The following TRIP12 variants were observed in gnomAD, a reference collection of about 807,000 sequenced individuals.
The protein encoded by TRIP12 is E3 ubiquitin-protein ligase TRIP12.
A neutral mutation model predicts 244.2 loss-of-function variants in TRIP12; 25 were observed. The ratio of observed to expected loss-of-function variants is 0.10; its 90% confidence interval spans 0.07 to 0.14. TRIP12 has a LOEUF of 0.14. Ranked by LOEUF, TRIP12 falls within the 10% of genes least tolerant of loss-of-function variation. The pLI is 1.00. For synonymous variants in TRIP12, 905 were observed against 873.1 expected (o/e 1.04, Z -0.64); for missense variants, 1,677 against 2,486.4 (o/e 0.67, Z 6.92).
chr2:229,903,427 A>G (rs542573605), intron 1 of TRIP12, among the ~76,000 whole-genome samples: 11 of 152,284 alleles, frequency 7.2e-5, no homozygotes, highest in Admixed American at 2.0e-4. Flanking sequence ...AAGTAAGGCC[A>G]TCTGAGCTAA....
chr2:229,889,243 AAAG>A (rs1418083161), intron 1 of TRIP12, among the ~76,000 whole-genome samples: 3 of 152,218 alleles, frequency 2.0e-5, no homozygotes, highest in Non-Finnish European at 4.4e-5. Context: ...TGAGAAAAGC[AAAG>A]AAGAAAGGAG....
chr2:229,771,449 A>C, intron 39 of TRIP12, 70 bp downstream of exon 39: 1 of 1,337,532 alleles, frequency 7.5e-7, no homozygotes, highest in Non-Finnish European at 1.1e-6. Context: ...ACGGTCTTTG[A>C]CTAGGCAGCA....
At position 229,859,486 on chromosome 2, in the gene TRIP12, C is replaced by A; in HGVS notation, c.313G>T (p.Val105Leu). The A allele has an allele frequency of 6.2e-7, 1 of 1,614,162 alleles. No individual in the cohort carries two copies. Among genetic ancestry groups the A allele is most frequent in the Non-Finnish European group, 8.5e-7 (1 of 1,180,030 alleles). ...NTSERQKTGQ[V>L]PKKDNSRGVK... ...CCTCGAGAATTGTCTTTCTTAGGCA[C>A]CTGCCCCGTTTTTTGTCTTTCTGAA... The change falls in exon 4 of 42, where the codon GTG becomes TTG. Residue 105 changes from valine (V) to leucine (L), a missense_variant. Physicochemically the swap from Val to Leu is conservative, Grantham distance 32. Around this residue, in one of 11 missense-constraint regions of TRIP12, gnomAD observed 387 missense variants for 392.6 expected, o/e 0.99. Transcript: ENST00000675903.
intron 34 of TRIP12, among the ~76,000 whole-genome samples, chr2:229,783,235 T>C (rs1217079295): frequency 6.6e-6 from 1 of 152,370 alleles, no homozygotes; most frequent in African/African-American, 2.4e-5. Context: ...TTTACATTTC[T>C]GTGACTATAA....
intron 8 of TRIP12, among the ~76,000 whole-genome samples, chr2:229,824,126 A>G (rs764969057): frequency 1.3e-5 from 2 of 152,246 alleles, no homozygotes; most frequent in African/African-American, 2.4e-5. Context: ...AAGTGTTAAT[A>G]AACTGTTGTA....
chr2:229,789,893 G>T (rs1440212760), intron 30 of TRIP12, 131 bp from the exon 31 acceptor site: 32 of 932,134 alleles, frequency 3.4e-5, no homozygotes, highest in Non-Finnish European at 4.5e-5. Flanking sequence ...TATTAGTAGG[G>T]TATTGATAAG....
intron 1 of TRIP12, among the ~76,000 whole-genome samples, chr2:229,880,996 A>G (rs1248333547): frequency 6.6e-6 from 1 of 152,192 alleles, no homozygotes; most frequent in Non-Finnish European, 1.5e-5. Context: ...TACTGAAAAG[A>G]TGAGGAGAAA....
intron 20 of TRIP12, 61 bp from the exon 21 acceptor site, chr2:229,802,520 C>T (rs2154269434): frequency 7.8e-7 from 1 of 1,284,880 alleles, no homozygotes; most frequent in Non-Finnish European, 1.1e-6. Flanking sequence ...CTTCTCCCCA[C>T]CATTACAAAA....
At position 229,811,011 on chromosome 2, in the gene TRIP12, A is replaced by C; in HGVS notation, c.2090T>G (p.Leu697Arg). The change falls in exon 15 of 42, where the codon CTT becomes CGT. Residue 697 changes from leucine to arginine, a missense_variant. Transcript: ENST00000675903. ...TACCAACAGCTGTTGAACATTTGTA[A>C]GCAGATCTTTGGAAGCAACCTGCTG... ...LLQQVASKDL[L>R]TNVQQLLVVT... 6.2e-7 allele frequency: 1 copy of C among 1,614,132 alleles called. No homozygotes were observed. Among genetic ancestry groups the C allele is most frequent in the Non-Finnish European group, 8.5e-7 (1 of 1,179,994 alleles).
intron 36 of TRIP12, among the ~76,000 whole-genome samples, chr2:229,777,751 T>C (rs1240246814): frequency 3.3e-5 from 5 of 152,180 alleles, no homozygotes; most frequent in African/African-American, 9.7e-5. Flanking sequence ...AATAGAAAAC[T>C]AAATGGAACT....
chr2:229,777,294 G>A, intron 37 of TRIP12, 21 bp downstream of exon 37: 3 of 1,607,860 alleles, frequency 1.9e-6, no homozygotes, highest in Non-Finnish European at 2.6e-6. Context: ...TGATCTACTG[G>A]ACTGTTTCTT....
intron 32 of TRIP12, among the ~76,000 whole-genome samples, 177 bp downstream of exon 32, chr2:229,788,621 C>T (rs1184582596): frequency 6.6e-6 from 1 of 152,208 alleles, no homozygotes; most frequent in Non-Finnish European, 1.5e-5. Context: ...GAAGATCCAG[C>T]CCCCAAACTT....
intron 5 of TRIP12, among the ~76,000 whole-genome samples, chr2:229,837,213 G>A (rs554402106): frequency 6.6e-6 from 1 of 152,190 alleles, no homozygotes; most frequent in African/African-American, 2.4e-5. Context: ...ACTGTGAGCT[G>A]TTGTCATCCT....
chr2:229,846,715 C>A (rs1298367829), intron 4 of TRIP12, among the ~76,000 whole-genome samples: 1 of 152,040 alleles, frequency 6.6e-6, no homozygotes, highest in Non-Finnish European at 1.5e-5. Context: ...AAAAAGGAAT[C>A]ACAGACTTTT....
intron 36 of TRIP12, 147 bp from the exon 37 acceptor site, chr2:229,777,626 C>G: frequency 1.3e-6 from 1 of 782,628 alleles, no homozygotes; most frequent in Non-Finnish European, 2.0e-6. Context: ...CTATTTCTCC[C>G]ACTACACAAA....
chr2:229,899,391 C>A (rs1484594582), intron 1 of TRIP12, among the ~76,000 whole-genome samples: 1 of 152,166 alleles, frequency 6.6e-6, no homozygotes, highest in Non-Finnish European at 1.5e-5. Context: ...GGAAAACCAG[C>A]AAGAATGAGC....
At position 229,791,857 on chromosome 2, in the gene TRIP12, C is replaced by CAG. The variant is rs915759592; in HGVS notation, c.4415+7_4415+8dup. ...ATGAAAAAACAAAAGAAAGAATTTT[C>CAG]AGACTTGCCATATTGTATGAGTCTT... is the stretch of plus-strand genomic sequence containing the variant. On this transcript the variant is annotated intron_variant, in intron 29 of 41. Coordinates refer to ENST00000675903, the MANE Select transcript of TRIP12 (RefSeq NM_001348323.3). 6.2e-7 allele frequency: 1 copy of CAG among 1,606,166 alleles called. No individual in the cohort carries two copies. The highest frequency in any genetic ancestry group is 1.3e-5 in the African/African-American group (1 of 74,502).
At chr2:229,791,006 TTA>T in intron 30 of TRIP12, 116 bp downstream of exon 30, 1 of 1,308,480 alleles carries the variant, frequency 7.6e-7, no homozygotes, top group Non-Finnish European at 1.1e-6. Context: ...GTAATGTCAT[TTA>T]TTTCTCAACT....
At chr2:229,868,441 G>A (rs1369521341) in intron 2 of TRIP12, among the ~76,000 whole-genome samples, 2 of 152,120 alleles carry the variant, frequency 1.3e-5, no homozygotes, top group Non-Finnish European at 2.9e-5. Context: ...GGGCTCAAAC[G>A]ATCTGCCTGC....
Sources: allele counts gnomAD v4.1 joint callset (sites outside exome capture counted in the v4.1 genomes callset), GRCh38; gene constraint gnomAD v4.1.1; regional missense constraint gnomAD v4.1.1; transcripts MANE v1.5; gene names NCBI Gene and HGNC (gene_info 2026-07-23, HGNC 2026-07-21).